OXGR1: variants seen among roughly 807,000 people sequenced by gnomAD.
OXGR1 encodes 2-oxoglutarate receptor 1.
Under a neutral mutation model 10.0 loss-of-function variants are expected in OXGR1, and 10 were observed. The observed-to-expected ratio is 1.00, with a 90% CI of 0.62 to 1.70. The LOEUF (loss-of-function observed/expected upper bound fraction) is 1.70. OXGR1 is among the 40% of genes most tolerant of loss of function. The pLI, the probability that OXGR1 is intolerant of heterozygous loss-of-function variation, is 0.00. For synonymous variants in OXGR1, 191 were observed against 155.9 expected (o/e 1.22, Z -1.68); for missense variants, 398 against 407.6 (o/e 0.98, Z 0.20).
At position 96,987,282 on chromosome 13, in the gene OXGR1, T is replaced by C. The variant is rs745971882; in HGVS notation, c.478A>G (p.Ile160Val). 1.2e-5 allele frequency: 19 copies of C among 1,614,016 alleles called. No individual in the cohort carries two copies. In the Middle Eastern group the frequency reaches 1.3e-3, roughly 112 times the overall value. ...ATCGGAATGACAGCTACCAGTGAAATGATCCACACCACAGCACAGGCTACA... is the reference window on the plus strand; with the variant it reads ...ATCGGAATGACAGCTACCAGTGAAACGATCCACACCACAGCACAGGCTACA... The part of the protein sequence containing the change: ...AVVACAVVWI[I>V]SLVAVIPMTF... Residue 160 changes from isoleucine (I) to valine (V), a missense_variant, in exon 4 of 4, where the codon ATT (isoleucine) becomes GTT (valine). By Grantham distance (29) the Ile-to-Val change is conservative. Transcript: ENST00000541038.
chr13:96,993,865 A>G (rs1882183014), intron 1 of OXGR1, among the ~76,000 whole-genome samples: 2 of 152,106 alleles, frequency 1.3e-5, no homozygotes, highest in Non-Finnish European at 2.9e-5. Context: ...ACAGTCCACC[A>G]CGATGCAGGG....
rs757524196 is a variant in OXGR1 at position 96,985,746 on chromosome 13, C to T, written c.*1000G>A. On this transcript the variant is annotated 3_prime_UTR_variant, in exon 4 of 4. Transcript: ENST00000541038. ...TTATAAATAAGTTTATTAACTGTAC[C>T]AACATGTTTATGAGGGTTTTAAATA... 1.6e-4 allele frequency: 25 copies of T among 152,092 alleles called. No homozygotes were observed. Among genetic ancestry groups the T allele is most frequent in the Non-Finnish European group, 2.6e-4 (18 of 68,028 alleles). 9.4% of individuals were successfully genotyped at this position (152,092 alleles called of 1,614,324 possible).
Position 96,992,503 on chromosome 13 carries a change from C to A in OXGR1, c.-208G>T, listed in dbSNP as rs138835164. 39 of 152,282 alleles carry A rather than the reference C, an allele frequency of 2.6e-4. No individual in the cohort carries two copies. The highest frequency in any genetic ancestry group is 9.4e-4 in the African/African-American group (39 of 41,550). The allele number at this position is 152,282 out of a possible 1,614,324, so 9.4% of individuals were successfully genotyped here. A position where few individuals can be genotyped will look rare whatever the true frequency, so the allele number is the denominator to read the frequency against. ...CTGCAGGATGTCAATATTTGGGTAA[C>A]ACACCGTTCGTGGACCGCTGTCCTG... On this transcript the variant is annotated 5_prime_UTR_variant, in exon 2 of 4. Transcript: ENST00000541038.
intron 1 of OXGR1, among the ~76,000 whole-genome samples, chr13:96,993,470 C>T (rs1882162636): frequency 6.6e-6 from 1 of 152,150 alleles, no homozygotes; most frequent in African/African-American, 2.4e-5. Context: ...GATCCACCTG[C>T]CTCAGCCTCC....
chr13:96,988,044 T>C (rs1302893294), intron 3 of OXGR1, among the ~76,000 whole-genome samples: 1 of 152,174 alleles, frequency 6.6e-6, no homozygotes, highest in African/African-American at 2.4e-5. Context: ...TAAATTACCA[T>C]GAGAGTTAAA....
At chr13:96,994,693 CT>C (rs750331332), upstream of OXGR1, 14,109 of 145,670 alleles carry the variant, frequency 0.097, 808 homozygotes, top group South Asian at 0.27. Context: ...CCCAGTGCCT[CT>C]TTTTTTTTTT....
intron 2 of OXGR1, among the ~76,000 whole-genome samples, chr13:96,990,607 T>C (rs1881999632): frequency 1.3e-5 from 2 of 152,242 alleles, no homozygotes; most frequent in Middle Eastern, 3.4e-3. Context: ...ACTTATATGG[T>C]ACTGAAGGGC....
At chr13:96,993,265 C>T (rs1304435503) in intron 1 of OXGR1, among the ~76,000 whole-genome samples, 6 of 152,164 alleles carry the variant, frequency 3.9e-5, no homozygotes, top group Non-Finnish European at 8.8e-5. Context: ...GTCGCCCAGA[C>T]TGGAGTGCAG....
intron 1 of OXGR1, 139 bp from the exon 2 acceptor site, chr13:96,992,711 C>G (rs1410706846): frequency 6.6e-6 from 1 of 152,230 alleles, no homozygotes; most frequent in Non-Finnish European, 1.5e-5. Flanking sequence ...TCCTAAGGTG[C>G]CTGTTGGTTT....
chr13:96,989,564 T>C (rs1881948627), intron 3 of OXGR1, among the ~76,000 whole-genome samples, 194 bp downstream of exon 3: 2 of 152,216 alleles, frequency 1.3e-5, no homozygotes, highest in African/African-American at 4.8e-5. Flanking sequence ...AGTGCTGTGA[T>C]CATCCCCATT....
rs1354188929 is a variant in OXGR1, at chr13:96,992,507, C to A, written c.-212G>T. 6.6e-6 allele frequency: 1 copy of A among 152,166 alleles called. No homozygotes were observed. The highest frequency in any genetic ancestry group is 1.5e-5 in the Non-Finnish European group (1 of 68,038). 9.4% of individuals were successfully genotyped at this position (152,166 alleles called of 1,614,324 possible). A position where few individuals can be genotyped will look rare whatever the true frequency, so the allele number is the denominator to read the frequency against. ...AGGATGTCAATATTTGGGTAACACA[C>A]CGTTCGTGGACCGCTGTCCTGATGC... is the stretch of plus-strand genomic sequence containing the variant. On this transcript the variant is annotated 5_prime_UTR_variant, in exon 2 of 4. Transcript: ENST00000541038.
intron 2 of OXGR1, among the ~76,000 whole-genome samples, chr13:96,990,506 C>T (rs1881994822): frequency 6.6e-6 from 1 of 152,134 alleles, no homozygotes; most frequent in Non-Finnish European, 1.5e-5. Context: ...ACACAAGTCA[C>T]CTCATACCCC....
chr13:96,987,244 G>A lies in OXGR1; in HGVS notation c.516C>T (p.Ile172=). ...LVAVIPMTFL[I]TSTNRTNRSA... ...ATCTGTTGGTCCTGTTGGTTGATGT[G>A]ATCAAGAAGGTCATCGGAATGACAG... is the stretch of plus-strand genomic sequence containing the variant. Residue 172 remains isoleucine, a synonymous_variant, in exon 4 of 4, where the codon ATC becomes ATT. Coordinates refer to ENST00000541038, the MANE Select transcript of OXGR1 (RefSeq NM_001346194.2). 3 of 1,613,818 alleles carry A rather than the reference G, an allele frequency of 1.9e-6. No individual in the cohort carries two copies. Among genetic ancestry groups the A allele is most frequent in the East Asian group, 2.2e-5 (1 of 44,878 alleles).
chr13:96,988,598 T>A (rs141569742), intron 3 of OXGR1, among the ~76,000 whole-genome samples: 1 of 152,226 alleles, frequency 6.6e-6, no homozygotes, highest in Admixed American at 6.5e-5. Flanking sequence ...AGTGTGTGTG[T>A]TGGGGTGGAT....
chr13:96,994,203 C>G (rs1030173367), intron 1 of OXGR1, 95 bp downstream of exon 1: 2 of 152,310 alleles, frequency 1.3e-5, no homozygotes, highest in African/African-American at 4.8e-5. Context: ...CCCTGCTCCT[C>G]GGGCACCTCC....
chr13:96,987,059 C>T lies in OXGR1; in HGVS notation c.701G>A (p.Cys234Tyr). The T allele has an allele frequency of 6.2e-7, 1 of 1,614,206 alleles. No homozygotes were observed. The highest frequency in any genetic ancestry group is 8.5e-7 in the Non-Finnish European group (1 of 1,180,034). ...TAGCCTTCGTGCTTTCTGCTTAAGG[C>T]AGCTGTCAGTTTGCAGTCCATGGGT... ...TLTHGLQTDSCLKQKARRLTI... is the reference protein window; with the variant it reads ...TLTHGLQTDSYLKQKARRLTI... The change falls in exon 4 of 4, where the codon TGC (cysteine) becomes TAC (tyrosine). Residue 234 changes from cysteine (C) to tyrosine (Y), a missense_variant. Transcript: ENST00000541038.
Position 96,986,648 on chromosome 13 carries a change from T to C in OXGR1, c.*98A>G, listed in dbSNP as rs1241838526. 1 of 1,294,378 alleles carries C rather than the reference T, an allele frequency of 7.7e-7. No individual in the cohort carries two copies. Among genetic ancestry groups the C allele is most frequent in the Non-Finnish European group, 1.1e-6 (1 of 944,420 alleles). 80.2% of individuals were successfully genotyped at this position (1,294,378 alleles called of 1,614,324 possible). A position where few individuals can be genotyped will look rare whatever the true frequency, so the allele number is the denominator to read the frequency against. ...CACATGATTACTTGAATACACAGTATTTACCAGGAGTTCCATTGAGGGAGA... is the reference window on the plus strand; with the variant it reads ...CACATGATTACTTGAATACACAGTACTTACCAGGAGTTCCATTGAGGGAGA... On this transcript the variant is annotated 3_prime_UTR_variant, in exon 4 of 4. Coordinates refer to ENST00000541038, the MANE Select transcript of OXGR1 (RefSeq NM_001346194.2).
chr13:96,987,517 C>G lies in OXGR1; in HGVS notation c.243G>C (p.Leu81=). 1.2e-6 allele frequency: 2 copies of G among 1,614,192 alleles called. No individual in the cohort carries two copies. The highest frequency in any genetic ancestry group is 1.7e-6 in the Non-Finnish European group (2 of 1,180,022). ...TCAGGAAGGGGAGGCTGGTCAGATA[C>G]AGCAGATCTGTGCAGGCCAGGTTCA... ...IMLNLACTDL[L]YLTSLPFLIH... The change falls in exon 4 of 4, where the codon CTG becomes CTC. Residue 81 remains leucine, a synonymous_variant. Transcript: ENST00000541038.
rs1380192356 is a variant in OXGR1, at chr13:96,985,854, A to G, written c.*892T>C. On this transcript the variant is annotated 3_prime_UTR_variant, in exon 4 of 4. Coordinates refer to ENST00000541038, the MANE Select transcript of OXGR1 (RefSeq NM_001346194.2). ...ATTCAAAAATATCTTTAGCTATCAC[A>G]TAGACATATGTTCATTGTAGTCATA... 1 of 152,242 alleles carries G rather than the reference A, an allele frequency of 6.6e-6. No individual in the cohort carries two copies. Among genetic ancestry groups the G allele is most frequent in the African/African-American group, 2.4e-5 (1 of 41,468 alleles). The allele number at this position is 152,242 out of a possible 1,614,324, so 9.4% of individuals were successfully genotyped here.
Sources: gnomAD v4.1 joint callset for allele counts (sites outside exome capture counted in the v4.1 genomes callset) on GRCh38, gnomAD v4.1.1 for gene constraint, MANE v1.5 for transcripts, NCBI Gene and HGNC (gene_info 2026-07-23, HGNC 2026-07-21) for gene names.